LINC00305: variants seen among roughly 807,000 people sequenced by gnomAD.
LINC00305 encodes long independently transcribed non-coding RNA 305, also known as long intergenic non-protein coding RNA 305.
At chr18:64,104,239 T>C (rs1366683212) in intron 1 of LINC00305, 2 of 152,210 alleles carry the variant, frequency 1.3e-5, no homozygotes, top group East Asian at 1.9e-4. Flanking sequence ...GGAGCAGGTA[T>C]GGGATAACCA....
At chr18:64,144,426 G>A (rs1362894139) in intron 1 of LINC00305, among the ~76,000 whole-genome samples, 2 of 152,172 alleles carry the variant, frequency 1.3e-5, no homozygotes, top group Non-Finnish European at 1.5e-5. Flanking sequence ...ACCTCCACAA[G>A]AGAATGCAGT....
At chr18:64,110,349 C>G (rs2051309750) in intron 1 of LINC00305, among the ~76,000 whole-genome samples, 1 of 152,194 alleles carries the variant, frequency 6.6e-6, no homozygotes, top group Admixed American at 6.5e-5. Context: ...GGAACAGTAA[C>G]ATACCTTAAG....
chr18:64,104,156 A>G (rs1472156707), intron 1 of LINC00305: 1 of 152,240 alleles, frequency 6.6e-6, no homozygotes, highest in East Asian at 1.9e-4. Context: ...AGCAAAGTTC[A>G]TAGTGAAGTT....
Position 64,114,143 on chromosome 18 carries a change from G to C in LINC00305, n.315-15503C>G, listed in dbSNP as rs145802180. ...AAATTAGCCGGGCGTGGTGGCGGGC[G>C]CCTGCAGTCCCAGCTACTCTGGAGG... On this transcript the variant is annotated intron_variant and non_coding_transcript_variant, in intron 1 of 3. Coordinates refer to ENST00000666468, the Ensembl canonical transcript of LINC00305. Among the ~76,000 whole-genome samples, 1,394 of 152,234 alleles carry C rather than the reference G, an allele frequency of 9.2e-3. 37 individuals are homozygous for C. In the East Asian group the frequency reaches 0.11, roughly 12 times the overall value.
At chr18:64,098,350 A>G (rs1172623672) in intron 2 of LINC00305, among the ~76,000 whole-genome samples, 1 of 152,202 alleles carries the variant, frequency 6.6e-6, no homozygotes, top group Non-Finnish European at 1.5e-5. Context: ...TGCAGAATGC[A>G]ACAATAAGGA....
At chr18:64,098,042 C>T (rs1568106201) in intron 2 of LINC00305, 1 of 455,126 alleles carries the variant, frequency 2.2e-6, no homozygotes, top group Non-Finnish European at 4.4e-6. Flanking sequence ...CAACAACTAA[C>T]CAACAACAAA....
intron 1 of LINC00305, among the ~76,000 whole-genome samples, chr18:64,144,516 A>T (rs1299474178): frequency 3.3e-5 from 5 of 151,388 alleles, no homozygotes; most frequent in Non-Finnish European, 7.4e-5. Context: ...TTAATGATTA[A>T]TTTTTTTTTG....
At chr18:64,098,730 C>A in intron 1 of LINC00305, 1 of 351,652 alleles carries the variant, frequency 2.8e-6, no homozygotes, top group South Asian at 2.3e-5. Context: ...GTAAAAGTCC[C>A]CCATTCTTCT....
intron 1 of LINC00305, among the ~76,000 whole-genome samples, chr18:64,138,259 T>TC (rs2051444448): frequency 6.6e-6 from 1 of 152,052 alleles, no homozygotes; most frequent in African/African-American, 2.4e-5. Context: ...CCTCTTTTTT[T>TC]CCCCACCAAA....
At chr18:64,147,883 C>T (rs866631486) in intron 1 of LINC00305, among the ~76,000 whole-genome samples, 3 of 152,038 alleles carry the variant, frequency 2.0e-5, no homozygotes, top group African/African-American at 7.2e-5. Context: ...CAGGTTGGTG[C>T]AGCTGGTTTT....
intron 1 of LINC00305, among the ~76,000 whole-genome samples, chr18:64,108,955 A>G (rs890169555): frequency 6.6e-6 from 1 of 152,194 alleles, no homozygotes; most frequent in Admixed American, 6.5e-5. Context: ...ACTAACTTTT[A>G]TTTCTTTTCC....
intron 3 of LINC00305, among the ~76,000 whole-genome samples, chr18:64,083,805 G>A (rs2144890781): frequency 6.6e-6 from 1 of 152,312 alleles, no homozygotes; most frequent in South Asian, 2.1e-4. Context: ...CTTTTTAAAA[G>A]TGACAATTAT....
intron 1 of LINC00305, among the ~76,000 whole-genome samples, chr18:64,120,706 A>C (rs921286991): frequency 3.9e-5 from 6 of 152,102 alleles, no homozygotes; most frequent in African/African-American, 1.4e-4. Context: ...GAATGATAGC[A>C]ATTTAGTTAT....
intron 1 of LINC00305, among the ~76,000 whole-genome samples, chr18:64,125,756 T>C (rs909574332): frequency 6.6e-6 from 1 of 152,098 alleles, no homozygotes; most frequent in South Asian, 2.1e-4. Flanking sequence ...CAATGAAAAC[T>C]TAACGCCCAA....
intron 1 of LINC00305, among the ~76,000 whole-genome samples, chr18:64,110,034 ATTC>A (rs201870002): frequency 2.6e-5 from 4 of 152,096 alleles, no homozygotes; most frequent in Non-Finnish European, 5.9e-5. Context: ...GCCCAAGACA[ATTC>A]TTCTTCTTCC....
At chr18:64,134,555 T>G (rs1393410643) in intron 1 of LINC00305, among the ~76,000 whole-genome samples, 1 of 152,170 alleles carries the variant, frequency 6.6e-6, no homozygotes, top group African/African-American at 2.4e-5. Context: ...CCCCAAGCTG[T>G]TTCTTTGTGA....
intron 1 of LINC00305, among the ~76,000 whole-genome samples, chr18:64,117,358 T>C (rs970544077): frequency 2.0e-5 from 3 of 152,210 alleles, no homozygotes; most frequent in Admixed American, 6.5e-5. Context: ...TGTATTGTTA[T>C]CTCTGCTTTG....
At chr18:64,139,971 G>C (rs2051453604) in intron 1 of LINC00305, among the ~76,000 whole-genome samples, 1 of 152,032 alleles carries the variant, frequency 6.6e-6, no homozygotes, top group South Asian at 2.1e-4. Flanking sequence ...CCTCTTTCAT[G>C]CTGTTCCAGT....
chr18:64,091,510 G>A (rs1217718581), intron 3 of LINC00305, among the ~76,000 whole-genome samples: 1 of 152,204 alleles, frequency 6.6e-6, no homozygotes, highest in East Asian at 1.9e-4. Context: ...TCTGTGTGAT[G>A]GCACAGGTCC....
Sources: gnomAD v4.1 joint callset for allele counts (sites outside exome capture counted in the v4.1 genomes callset) on GRCh38, gnomAD v4.1.1 for gene constraint, MANE v1.5 for transcripts, NCBI Gene and HGNC (gene_info 2026-07-23, HGNC 2026-07-21) for gene names.